STARD10: variants seen among roughly 807,000 people sequenced by gnomAD.
The protein encoded by STARD10 is StAR related lipid transfer domain containing 10.
A neutral mutation model predicts 36.0 loss-of-function variants in STARD10; 24 were observed. The observed-to-expected ratio is 0.67, with a 90% CI of 0.48 to 0.94. STARD10 has a LOEUF of 0.94. Ranked by LOEUF, STARD10 falls within the 40% of genes least tolerant of loss-of-function variation. The probability of loss-of-function intolerance (pLI) is 0.00; values close to 1 mark genes in which losing one functional copy is unlikely to be tolerated. For synonymous variants in STARD10, 156 were observed against 161.9 expected, an observed-to-expected ratio of 0.96 and a Z score of 0.28; for missense variants, 335 against 396.6, an observed-to-expected ratio of 0.84 and a Z score of 1.32.
At chr11:72,769,904 C>G (rs2135617797) in intron 2 of STARD10, among the ~76,000 whole-genome samples, 1 of 152,306 alleles carries the variant, frequency 6.6e-6, no homozygotes, top group East Asian at 1.9e-4. Flanking sequence ...ACTGAGCTAG[C>G]TCTGCACCTT....
chr11:72,791,678 G>C (rs1455125218), intron 1 of STARD10, among the ~76,000 whole-genome samples: 1 of 151,364 alleles, frequency 6.6e-6, no homozygotes, highest in Non-Finnish European at 1.5e-5. Context: ...ACTCCAGCCT[G>C]GGCAACAAGA....
In STARD10 at chr11:72,755,575, T is replaced by A. The variant is rs75295445; in HGVS notation, c.630+126A>T. The A allele has an allele frequency of 2.7e-6, 3 of 1,111,522 alleles. No individual in the cohort carries two copies. The South Asian group carries it at 3.8e-5, about 14-fold the overall frequency. The allele number at this position is 1,111,522 out of a possible 1,614,324, so 68.9% of individuals were successfully genotyped here. The stretch of plus-strand genomic sequence containing the variant: ...ATCCACCTGCCAAGGCCTCCCAAAG[T>A]GCTGGGATTACAGGCATGAGCCACC... On this transcript the variant is annotated intron_variant, in intron 6 of 6. Transcript: ENST00000334805.
chr11:72,792,117 T>C (rs1859152350), intron 1 of STARD10, among the ~76,000 whole-genome samples: 1 of 141,546 alleles, frequency 7.1e-6, no homozygotes, highest in Non-Finnish European at 1.5e-5. Flanking sequence ...TGGCGCCATC[T>C]CGGCTCACCG....
Position 72,759,235 on chromosome 11 carries a change from G to T in STARD10, c.354C>A (p.Ser118=). ...LTVNADVGYY[S]WRCPKPLKNR... is the part of the protein sequence containing the mutation. ...GATCAGCGTGCTACGCCTGCTCACA[G>T]GAGTAATAGCCCACGTCAGCGTTGA... Residue 118 remains serine, a splice_region_variant and synonymous_variant, in exon 3 of 7, where the codon TCC becomes TCA. Coordinates refer to ENST00000334805, the MANE Select transcript of STARD10 (RefSeq NM_006645.3). 6.2e-7 allele frequency: 1 copy of T among 1,614,078 alleles called. No homozygotes were observed. Among genetic ancestry groups the T allele is most frequent in the Non-Finnish European group, 8.5e-7 (1 of 1,179,978 alleles).
intron 1 of STARD10, among the ~76,000 whole-genome samples, chr11:72,789,664 G>C (rs184745538): frequency 6.6e-5 from 10 of 152,178 alleles, no homozygotes; most frequent in Admixed American, 1.3e-4. Flanking sequence ...CCAGGACCGC[G>C]TGAGGACTGG....
At position 72,781,190 on chromosome 11, in the gene STARD10, T is replaced by TG. The variant is rs770128834; in HGVS notation, c.-10dup. On this transcript the variant is annotated 5_prime_UTR_variant, in exon 2 of 7. Coordinates refer to ENST00000334805, the MANE Select transcript of STARD10 (RefSeq NM_006645.3). The surrounding 1 kb of genome is among the most constrained non-coding windows in gnomAD (Gnocchi z 4.7). ...GCCGCCAGCTTCTCCATGGGGAGTG[T>TG]GGGGAGGCCCAGGGCCCTGGTCCTA... 6.2e-7 allele frequency: 1 copy of TG among 1,606,474 alleles called. No individual in the cohort carries two copies. Among genetic ancestry groups the TG allele is most frequent in the Admixed American group, 1.7e-5 (1 of 59,950 alleles).
intron 2 of STARD10, among the ~76,000 whole-genome samples, chr11:72,770,787 C>T (rs554200296): frequency 5.3e-5 from 8 of 152,100 alleles, no homozygotes; most frequent in African/African-American, 1.9e-4. Context: ...GGAGAGGAGA[C>T]GGCACCCAGA....
In STARD10 at chr11:72,754,937, G is replaced by A. The variant is rs371866479; in HGVS notation, c.836C>T (p.Ala279Val). The change falls in exon 7 of 7, where the codon GCG becomes GTG. Residue 279 changes from alanine (A) to valine (V), a missense_variant. By Grantham distance (64) the Ala-to-Val change is moderately conservative. Transcript: ENST00000334805. ...GTCGTCGTCGCTGCCCTCGCCGCCC[G>A]CGCCGCCCATCCGCTCCTCTCTGCT... The part of the protein sequence containing the change: ...AESREERMGG[A>V]GGEGSDDDTS... 2 of 1,602,894 alleles carry A rather than the reference G, an allele frequency of 1.2e-6. No individual in the cohort carries two copies. Among genetic ancestry groups the A allele is most frequent in the South Asian group, 1.1e-5 (1 of 90,328 alleles).
At chr11:72,767,928 TC>T (rs1285575090) in intron 2 of STARD10, among the ~76,000 whole-genome samples, 44 of 152,288 alleles carry the variant, frequency 2.9e-4, no homozygotes, top group Non-Finnish European at 1.5e-5. Flanking sequence ...CTGCCCCTCC[TC>T]CAGCCCCAGG....
intron 2 of STARD10, among the ~76,000 whole-genome samples, chr11:72,761,798 C>T (rs750622392): frequency 9.9e-5 from 15 of 151,456 alleles, no homozygotes; most frequent in Non-Finnish European, 1.3e-4. Context: ...AAAAAATATA[C>T]GCATAGAGGA....
chr11:72,771,571 G>A (rs374636294), intron 2 of STARD10, among the ~76,000 whole-genome samples: 22 of 152,258 alleles, frequency 1.4e-4, no homozygotes, highest in Non-Finnish European at 2.2e-4. Flanking sequence ...CACCCAGACA[G>A]AGCTCCCTGA....
At chr11:72,790,261 C>A (rs1027658160) in intron 1 of STARD10, 1 of 152,318 alleles carries the variant, frequency 6.6e-6, no homozygotes, top group African/African-American at 2.4e-5. Context: ...CAAGCCCTGC[C>A]CCCTCCCATG....
chr11:72,761,198 C>A (rs1858711431), intron 2 of STARD10, among the ~76,000 whole-genome samples: 1 of 152,170 alleles, frequency 6.6e-6, no homozygotes, highest in Non-Finnish European at 1.5e-5. Flanking sequence ...AGAATGCAAC[C>A]AGACAGAGCC....
chr11:72,777,383 G>A (rs1158395814), intron 2 of STARD10, among the ~76,000 whole-genome samples: 2 of 152,262 alleles, frequency 1.3e-5, no homozygotes, highest in Non-Finnish European at 2.9e-5. Flanking sequence ...AGAGGGGCAG[G>A]AATGTGCCCA....
chr11:72,756,981 T>C (rs750868363), intron 5 of STARD10, among the ~76,000 whole-genome samples: 15 of 151,870 alleles, frequency 9.9e-5, no homozygotes, highest in Non-Finnish European at 2.2e-4. Flanking sequence ...CCATCTCTAC[T>C]AAAAATACAA....
chr11:72,788,697 G>A (rs1859104734), intron 1 of STARD10, among the ~76,000 whole-genome samples: 1 of 151,838 alleles, frequency 6.6e-6, no homozygotes, highest in South Asian at 2.1e-4. Context: ...CAAGTAGCTG[G>A]GACTACAGGC....
intron 1 of STARD10, chr11:72,782,628 C>T (rs1187868139): frequency 6.6e-6 from 1 of 152,342 alleles, no homozygotes; most frequent in Non-Finnish European, 1.5e-5. Context: ...TCAAGAGCAT[C>T]TGGCCCAGGG....
intron 2 of STARD10, 129 bp from the exon 3 acceptor site, chr11:72,759,510 A>C (rs1858689427): frequency 8.9e-7 from 1 of 1,125,294 alleles, no homozygotes; most frequent in African/African-American, 1.6e-5. Context: ...CTCTGAAACC[A>C]GCATGGACTT....
chr11:72,762,714 G>A (rs1858737503), intron 2 of STARD10, among the ~76,000 whole-genome samples: 2 of 152,186 alleles, frequency 1.3e-5, no homozygotes, highest in Admixed American at 1.3e-4. Flanking sequence ...CATGGGCTGG[G>A]TCGGGGGATC....
Sources: gnomAD v4.1 joint callset for allele counts (sites outside exome capture counted in the v4.1 genomes callset) on GRCh38, gnomAD v4.1.1 for gene constraint, Gnocchi (gnomAD v3.1) non-coding constraint, MANE v1.5 for transcripts, NCBI Gene and HGNC (gene_info 2026-07-23, HGNC 2026-07-21) for gene names.